The following TMTC2 variants were observed in gnomAD, a reference collection of about 807,000 sequenced individuals.
The protein encoded by TMTC2 is transmembrane O-mannosyltransferase targeting cadherins 2.
In TMTC2, 43 loss-of-function variants were observed where a neutral mutation model predicts 82.4. The ratio of observed to expected loss-of-function variants is 0.52; its 90% CI spans 0.41 to 0.67. The LOEUF (loss-of-function observed/expected upper bound fraction) is 0.67. Among genes scored for constraint, TMTC2 ranks in the 30% least tolerant of loss-of-function variants. The pLI is 0.00. For synonymous variants in TMTC2, 408 were observed against 381.9 expected (o/e 1.07, Z -0.80); for missense variants, 919 against 1,012.4 (o/e 0.91, Z 1.25).
At chr12:82,886,315 A>G (rs1352704019) in intron 2 of TMTC2, among the ~76,000 whole-genome samples, 1 of 152,240 alleles carries the variant, frequency 6.6e-6, no homozygotes. Flanking sequence ...TTATTGGAAA[A>G]TGGTAACAAC....
At chr12:83,085,239 C>G (rs887854948) in intron 11 of TMTC2, among the ~76,000 whole-genome samples, 1 of 152,122 alleles carries the variant, frequency 6.6e-6, no homozygotes, top group African/African-American at 2.4e-5. Context: ...CTAACTATGC[C>G]TCTGAGAAAA....
chr12:82,697,894 GCATGAAGACT>G (rs1359471439), intron 1 of TMTC2, among the ~76,000 whole-genome samples: 3 of 152,136 alleles, frequency 2.0e-5, no homozygotes, highest in Non-Finnish European at 4.4e-5. Flanking sequence ...GGTTTGCATT[GCATGAAGACT>G]TTATAGATTT....
intron 2 of TMTC2, among the ~76,000 whole-genome samples, chr12:82,872,005 ACC>A (rs61305687): frequency 0.15 from 14,028 of 95,856 alleles, 1,285 homozygotes; most frequent in African/African-American, 0.28. Flanking sequence ...GTTGAACAAC[ACC>A]CCCCCCCCCG....
At chr12:82,843,987 G>A (rs1870491472) in intron 1 of TMTC2, among the ~76,000 whole-genome samples, 1 of 152,180 alleles carries the variant, frequency 6.6e-6, no homozygotes, top group African/African-American at 2.4e-5. Flanking sequence ...ACTCAATTCA[G>A]AGAAGACAGG....
chr12:83,067,083 A>G (rs1882945822), intron 11 of TMTC2, among the ~76,000 whole-genome samples: 1 of 151,978 alleles, frequency 6.6e-6, no homozygotes, highest in Admixed American at 6.6e-5. Context: ...CTACATTTTA[A>G]ATTTCGAATA....
At chr12:82,900,626 G>A (rs1873934659) in intron 3 of TMTC2, among the ~76,000 whole-genome samples, 1 of 126,248 alleles carries the variant, frequency 7.9e-6, no homozygotes, top group East Asian at 2.3e-4. Context: ...ATATAGAGAG[G>A]AATATATATA....
chr12:83,043,349 A>G (rs1881966573), intron 9 of TMTC2, among the ~76,000 whole-genome samples: 2 of 152,160 alleles, frequency 1.3e-5, no homozygotes, highest in Non-Finnish European at 2.9e-5. Context: ...CTTCTAGTAG[A>G]AACACCCCAT....
chr12:82,910,374 A>G (rs1028082103), intron 3 of TMTC2, among the ~76,000 whole-genome samples: 1 of 152,136 alleles, frequency 6.6e-6, no homozygotes, highest in African/African-American at 2.4e-5. Context: ...ACATACGGAC[A>G]GGCAGGCTCC....
chr12:82,868,084 G>A (rs547479675), intron 2 of TMTC2, among the ~76,000 whole-genome samples: 16 of 152,058 alleles, frequency 1.1e-4, no homozygotes, highest in African/African-American at 2.2e-4. Context: ...TAATATCTTC[G>A]CTGTTTTGTG....
chr12:82,976,687 A>T (rs1340374060), intron 7 of TMTC2, among the ~76,000 whole-genome samples: 1 of 152,068 alleles, frequency 6.6e-6, no homozygotes, highest in Non-Finnish European at 1.5e-5. Flanking sequence ...TGGGATGGAG[A>T]TACAAAAGAT....
chr12:82,904,535 T>C (rs2137197159), intron 3 of TMTC2, among the ~76,000 whole-genome samples: 1 of 152,282 alleles, frequency 6.6e-6, no homozygotes, highest in East Asian at 1.9e-4. Flanking sequence ...CATTATGTGG[T>C]TTATAATATC....
chr12:82,768,545 A>G (rs1042356281), intron 1 of TMTC2, among the ~76,000 whole-genome samples: 1 of 152,172 alleles, frequency 6.6e-6, no homozygotes, highest in South Asian at 2.1e-4. Flanking sequence ...GAATTTTGCC[A>G]AACACCTTTT....
chr12:82,838,630 T>G (rs1870175701), intron 1 of TMTC2, among the ~76,000 whole-genome samples: 1 of 152,236 alleles, frequency 6.6e-6, no homozygotes, highest in African/African-American at 2.4e-5. Context: ...CCTGGTCTTT[T>G]ACATTCCAGA....
chr12:82,895,752 G>C, intron 2 of TMTC2, 66 bp from the exon 3 acceptor site: 2 of 1,364,114 alleles, frequency 1.5e-6, no homozygotes, highest in South Asian at 1.4e-5. Context: ...TTATCTCTAA[G>C]TGTTAAGTGT....
In TMTC2 at chr12:82,788,794, C is replaced by T. The variant is rs1011772646; in HGVS notation, c.84-68216C>T. Among the ~76,000 whole-genome samples, 4 of 152,044 alleles carry T rather than the reference C, an allele frequency of 2.6e-5. No homozygotes were observed. In the East Asian group the frequency reaches 7.7e-4, roughly 29 times the overall value. On this transcript the variant is annotated intron_variant, in intron 1 of 11. Transcript: ENST00000321196. Reference sequence around the variant, plus strand: ...GCCTACTCTGCTTTTCTTCTCTTTCCAGGGTGCTGAAGTTCTAAACTCCTG... The same window carrying T: ...GCCTACTCTGCTTTTCTTCTCTTTCTAGGGTGCTGAAGTTCTAAACTCCTG...
intron 2 of TMTC2, among the ~76,000 whole-genome samples, chr12:82,872,040 T>C (rs1872222852): frequency 2.8e-5 from 3 of 106,714 alleles, no homozygotes; most frequent in Admixed American, 1.3e-4. Flanking sequence ...AGTTGCCTAG[T>C]ATGCAGTAAG....
intron 3 of TMTC2, among the ~76,000 whole-genome samples, chr12:82,900,581 G>A (rs1337143620): frequency 3.6e-5 from 5 of 140,680 alleles, no homozygotes; most frequent in South Asian, 2.3e-4. Flanking sequence ...ATACATATCC[G>A]GAATATAGAT....
intron 3 of TMTC2, among the ~76,000 whole-genome samples, chr12:82,908,627 T>TC (rs1478645830): frequency 1.3e-5 from 2 of 152,278 alleles, no homozygotes; most frequent in East Asian, 3.9e-4. Context: ...TCTTGTGGTG[T>TC]CATATTCTGG....
chr12:82,966,142 T>TA (rs1263943015), intron 6 of TMTC2, among the ~76,000 whole-genome samples: 4 of 152,160 alleles, frequency 2.6e-5, no homozygotes, highest in African/African-American at 7.2e-5. Context: ...TTTGATATTT[T>TA]AAAAAATATA....
Sources: allele counts gnomAD v4.1 joint callset (sites outside exome capture counted in the v4.1 genomes callset), GRCh38; gene constraint gnomAD v4.1.1; transcripts MANE v1.5; gene names NCBI Gene and HGNC (gene_info 2026-07-23, HGNC 2026-07-21).